Variants in PPP1R1C observed in about 807,000 individuals in gnomAD.
The protein encoded by PPP1R1C is protein phosphatase 1 regulatory inhibitor subunit 1C.
A neutral mutation model predicts 17.4 loss-of-function variants in PPP1R1C; 15 were observed. The observed-to-expected ratio is 0.86, with a 90% confidence interval of 0.58 to 1.33. The LOEUF (loss-of-function observed/expected upper bound fraction) is 1.33. Ranked by LOEUF, PPP1R1C falls within the 40% of genes most tolerant of loss-of-function variation. PPP1R1C has a pLI of 0.00. For synonymous variants in PPP1R1C, 35 were observed against 43.1 expected (o/e 0.81, Z 0.73); for missense variants, 143 against 130.0 (o/e 1.10, Z -0.48).
In PPP1R1C at chr2:182,069,325, T is replaced by C. The variant is rs1688076517; in HGVS notation, c.241+5534T>C. 2.0e-5 allele frequency among the ~76,000 whole-genome samples: 3 copies of C among 152,036 alleles called. No individual in the cohort carries two copies. In the South Asian group the frequency reaches 6.2e-4, roughly 32 times the overall value. On this transcript the variant is annotated intron_variant, in intron 4 of 4. Transcript: ENST00000682840. ...TGCTCCTATTTCCAGACCCACTTCCTCTGGTTCTCTTTAATTTCTTCCACT... is the reference window on the plus strand; with the variant it reads ...TGCTCCTATTTCCAGACCCACTTCCCCTGGTTCTCTTTAATTTCTTCCACT...
Position 181,961,778 on chromosome 2 carries a change from C to T in PPP1R1C, n.111+7144C>T, listed in dbSNP as rs755332204. ...TGAGATTTGGGGGCATCTACCTCCACGGTCAACTCAGAGCTGGCAATCTGG... is the reference window on the plus strand; with the variant it reads ...TGAGATTTGGGGGCATCTACCTCCATGGTCAACTCAGAGCTGGCAATCTGG... On this transcript the variant is annotated intron_variant and non_coding_transcript_variant, in intron 1 of 5. Transcript: ENST00000464264. The surrounding 1 kb of genome is among the most constrained non-coding windows in gnomAD (Gnocchi z 5.8). 26 of 1,308,122 alleles carry T rather than the reference C, an allele frequency of 2.0e-5. No individual in the cohort carries two copies. The highest frequency in any genetic ancestry group is 3.4e-5 in the Admixed American group (2 of 59,332). The allele number at this position is 1,308,122 out of a possible 1,614,324, so 81.0% of individuals were successfully genotyped here.
At chr2:182,093,016 T>A (rs1416956028) in intron 4 of PPP1R1C, among the ~76,000 whole-genome samples, 1 of 152,186 alleles carries the variant, frequency 6.6e-6, no homozygotes, top group African/African-American at 2.4e-5. Context: ...TTGTGGGGGC[T>A]TTGACCCCAC....
chr2:182,012,328 C>A (rs1453186072), intron 2 of PPP1R1C, among the ~76,000 whole-genome samples: 1 of 151,996 alleles, frequency 6.6e-6, no homozygotes, highest in Non-Finnish European at 1.5e-5. Context: ...AATCCCCTTG[C>A]TAAACTGACC....
At chr2:182,050,596 T>C (rs1352066605) in intron 2 of PPP1R1C, among the ~76,000 whole-genome samples, 2 of 152,176 alleles carry the variant, frequency 1.3e-5, no homozygotes, top group Non-Finnish European at 1.5e-5. Context: ...TCTCTGATCA[T>C]AGTGTCACAC....
intron 2 of PPP1R1C, among the ~76,000 whole-genome samples, chr2:181,996,650 T>A (rs986788314): frequency 3.9e-5 from 6 of 152,164 alleles, no homozygotes; most frequent in African/African-American, 1.4e-4. Flanking sequence ...GTAATAATGC[T>A]GAGGAAAAAA....
At chr2:182,090,102 C>T (rs761611392) in intron 4 of PPP1R1C, among the ~76,000 whole-genome samples, 10 of 152,010 alleles carry the variant, frequency 6.6e-5, no homozygotes, top group Non-Finnish European at 1.3e-4. Flanking sequence ...CTTTAGTATA[C>T]GTTCTGTACA....
intron 2 of PPP1R1C, among the ~76,000 whole-genome samples, chr2:182,007,706 C>T (rs1232341591): frequency 2.6e-5 from 4 of 152,078 alleles, no homozygotes; most frequent in Non-Finnish European, 4.4e-5. Flanking sequence ...TTTATCTGGA[C>T]CTATCAAAAA....
chr2:182,094,614 G>A (rs1688878129), intron 4 of PPP1R1C, among the ~76,000 whole-genome samples: 2 of 152,216 alleles, frequency 1.3e-5, no homozygotes, highest in Admixed American at 6.5e-5. Context: ...ATGTTCAGGA[G>A]GGCAGACAAC....
intron 4 of PPP1R1C, among the ~76,000 whole-genome samples, chr2:182,085,509 C>T (rs1041488403): frequency 2.2e-4 from 33 of 152,070 alleles, no homozygotes; most frequent in African/African-American, 4.8e-4. Flanking sequence ...CGAGTATGAA[C>T]GTGAATATGG....
At chr2:182,082,464 T>C (rs1021161678) in intron 4 of PPP1R1C, among the ~76,000 whole-genome samples, 3 of 151,988 alleles carry the variant, frequency 2.0e-5, no homozygotes, top group Non-Finnish European at 4.4e-5. Flanking sequence ...ACCCTGAAGG[T>C]CAAACGGACA....
rs550111190 is a variant in PPP1R1C, at chr2:182,129,462, G to A, written c.*495G>A. The A allele has an allele frequency of 2.0e-5, 3 of 152,030 alleles. No homozygotes were observed. In the South Asian group the frequency reaches 6.2e-4, roughly 32 times the overall value. The allele number at this position is 152,030 out of a possible 1,614,324, so 9.4% of individuals were successfully genotyped here. On this transcript the variant is annotated 3_prime_UTR_variant, in exon 6 of 6. Transcript: ENST00000280295. ...TTAATTTAGTTCCACAGATTTTACT[G>A]ATAGTCTACTACCTGCCAACTACTG...
chr2:182,056,143 G>T (rs963028562), intron 2 of PPP1R1C, among the ~76,000 whole-genome samples: 2 of 152,130 alleles, frequency 1.3e-5, no homozygotes, highest in African/African-American at 4.8e-5. Flanking sequence ...CTCCCGTCTC[G>T]CTAGATACAC....
chr2:182,070,321 A>G (rs1433310911), intron 4 of PPP1R1C, among the ~76,000 whole-genome samples: 1 of 152,222 alleles, frequency 6.6e-6, no homozygotes, highest in Non-Finnish European at 1.5e-5. Context: ...TAAATTCTGC[A>G]TGGACCATCA....
chr2:182,080,634 A>G (rs1252331618), intron 4 of PPP1R1C, among the ~76,000 whole-genome samples: 1 of 152,216 alleles, frequency 6.6e-6, no homozygotes, highest in African/African-American at 2.4e-5. Context: ...TTTAATGACA[A>G]TGAGAAATAT....
intron 2 of PPP1R1C, among the ~76,000 whole-genome samples, chr2:182,013,477 G>A (rs1010522856): frequency 2.0e-5 from 3 of 151,848 alleles, no homozygotes; most frequent in African/African-American, 7.3e-5. Context: ...CTTTATCCTT[G>A]ATCTTTGGGA....
intron 4 of PPP1R1C, among the ~76,000 whole-genome samples, chr2:182,073,508 G>A (rs1233784021): frequency 2.0e-5 from 3 of 152,136 alleles, no homozygotes; most frequent in Non-Finnish European, 2.9e-5. Context: ...GGCTCTTTTA[G>A]TTCAAGATAA....
chr2:181,976,246 A>G lies in PPP1R1C; in HGVS notation n.157+982A>G, dbSNP rs1333362587. 6.6e-6 allele frequency among the ~76,000 whole-genome samples: 1 copy of G among 152,126 alleles called. No individual in the cohort carries two copies. The highest frequency in any genetic ancestry group is 1.5e-5 in the Non-Finnish European group (1 of 67,972). ...GTCAGTAGGTGTTTAATGCATGAGT[A>G]CATGCATGTGTATATATGGATACAA... On this transcript the variant is annotated intron_variant and non_coding_transcript_variant, in intron 2 of 5. Coordinates refer to the PPP1R1C transcript ENST00000464264. The surrounding 1 kb of genome is among the most constrained non-coding windows in gnomAD (Gnocchi z 4.8).
At chr2:182,058,311 T>C (rs181683369) in intron 2 of PPP1R1C, among the ~76,000 whole-genome samples, 97 of 152,228 alleles carry the variant, frequency 6.4e-4, no homozygotes, top group Middle Eastern at 3.4e-3. Flanking sequence ...ATTTATCTGA[T>C]GTTTTTCTCA....
chr2:181,993,152 G>T (rs937728663), intron 2 of PPP1R1C, among the ~76,000 whole-genome samples: 1 of 152,098 alleles, frequency 6.6e-6, no homozygotes, highest in South Asian at 2.1e-4. Flanking sequence ...ACGCAAGGGG[G>T]CTCCAGAAAT....
Sources: allele counts gnomAD v4.1 joint callset (sites outside exome capture counted in the v4.1 genomes callset), GRCh38; gene constraint gnomAD v4.1.1; non-coding constraint Gnocchi (gnomAD v3.1); transcripts MANE v1.5; gene names NCBI Gene and HGNC (gene_info 2026-07-23, HGNC 2026-07-21).